The following ZNF407 variants were observed in gnomAD, a reference collection of about 807,000 sequenced individuals.
The protein encoded by ZNF407 is zinc finger protein 407.
A neutral mutation model predicts 131.2 loss-of-function variants in ZNF407; 17 were observed. That is an observed-to-expected ratio of 0.13 (90% CI 0.09 to 0.19). The LOEUF is 0.19. Ranked by LOEUF, ZNF407 falls within the 10% of genes least tolerant of loss-of-function variation. The pLI is 1.00. For missense variants in ZNF407, 2,681 were observed against 2,830.6 expected (o/e 0.95, Z 1.20); for synonymous variants, 1,156 against 1,062.0 (o/e 1.09, Z -1.72).
chr18:74,965,912 C>G (rs1021071022), intron 8 of ZNF407, among the ~76,000 whole-genome samples: 33 of 152,128 alleles, frequency 2.2e-4, no homozygotes, highest in African/African-American at 7.2e-4. Flanking sequence ...GATTGATGAT[C>G]GATGATGTTG....
intron 8 of ZNF407, among the ~76,000 whole-genome samples, chr18:74,975,481 A>C (rs1385824433): frequency 2.6e-5 from 4 of 152,026 alleles, no homozygotes; most frequent in Admixed American, 1.3e-4. Flanking sequence ...AAGTTGTTTG[A>C]TCGAAATTCT....
At chr18:75,051,879 G>C (rs7237561) in intron 8 of ZNF407, among the ~76,000 whole-genome samples, 20,417 of 152,184 alleles carry the variant, frequency 0.13, 1,414 homozygotes, top group South Asian at 0.21. Flanking sequence ...CAGAACTCAG[G>C]CACTCTCATA....
chr18:74,838,394 C>T (rs1024092801), intron 4 of ZNF407, among the ~76,000 whole-genome samples: 1 of 152,174 alleles, frequency 6.6e-6, no homozygotes, highest in African/African-American at 2.4e-5. Flanking sequence ...TCCGCTGATA[C>T]TTGATGTCGG....
chr18:74,818,914 ATGACTCT>A (rs1970303726), intron 4 of ZNF407, among the ~76,000 whole-genome samples: 2 of 150,656 alleles, frequency 1.3e-5, no homozygotes, highest in Admixed American at 1.3e-4. Context: ...GCATTTTACC[ATGACTCT>A]TGATAAATCA....
At chr18:74,781,294 T>C in intron 3 of ZNF407, 134 bp from the exon 4 acceptor site, 4 of 594,018 alleles carry the variant, frequency 6.7e-6, no homozygotes, top group Non-Finnish European at 1.2e-5. Context: ...CAAGCTTTGG[T>C]GTAGCAAGAG....
rs193294265 is a variant in ZNF407, at chr18:74,780,254, T to C, written c.4803-1174T>C. On this transcript the variant is annotated intron_variant, in intron 3 of 8. Transcript: ENST00000299687. ...AAACCTGAGATTCTGTAATATTATA[T>C]GAAATTAAACAAAATAAATTAGACA... 9.8e-5 allele frequency among the ~76,000 whole-genome samples: 15 copies of C among 152,314 alleles called. No homozygotes were observed. The East Asian group carries it at 2.9e-3, about 29-fold the overall frequency.
intron 3 of ZNF407, among the ~76,000 whole-genome samples, chr18:74,669,160 A>G (rs1389178719): frequency 6.6e-6 from 1 of 152,112 alleles, no homozygotes; most frequent in Non-Finnish European, 1.5e-5. Context: ...AGGAAGGCAG[A>G]TCTCACCTCT....
At chr18:74,678,322 G>T (rs1448901349) in intron 3 of ZNF407, among the ~76,000 whole-genome samples, 2 of 152,144 alleles carry the variant, frequency 1.3e-5, no homozygotes, top group Non-Finnish European at 2.9e-5. Flanking sequence ...ATTTACTTCT[G>T]CATTACCCTT....
intron 8 of ZNF407, among the ~76,000 whole-genome samples, chr18:74,943,208 G>A (rs925453726): frequency 3.9e-5 from 6 of 152,082 alleles, no homozygotes; most frequent in Non-Finnish European, 8.8e-5. Flanking sequence ...GAGCCACCAT[G>A]CCCAGCCAAA....
chr18:74,850,678 A>G (rs1970769903), intron 4 of ZNF407, among the ~76,000 whole-genome samples: 1 of 152,204 alleles, frequency 6.6e-6, no homozygotes, highest in African/African-American at 2.4e-5. Flanking sequence ...TTCTGCTCAA[A>G]TACTATTCTA....
chr18:74,602,023 A>G (rs1032856024), intron 1 of ZNF407, among the ~76,000 whole-genome samples: 6 of 152,192 alleles, frequency 3.9e-5, no homozygotes, highest in African/African-American at 1.2e-4. Context: ...ACATCTGTAT[A>G]TATTTTTTGT....
In ZNF407 at chr18:74,703,192, G is replaced by C. The variant is rs1568174043; in HGVS notation, c.4802+62070G>C. Reference sequence around the variant, plus strand: ...CTACAAGTGACTGCTGCTTGTAGCAGCCTTCTTCATTTCTCACAAGAACCT... The same window carrying C: ...CTACAAGTGACTGCTGCTTGTAGCACCCTTCTTCATTTCTCACAAGAACCT... On this transcript the variant is annotated intron_variant, in intron 3 of 8. Coordinates refer to ENST00000299687, the MANE Select transcript of ZNF407 (RefSeq NM_017757.3). The surrounding 1 kb of genome is among the most constrained non-coding windows in gnomAD (Gnocchi z 4.1). Among the ~76,000 whole-genome samples, 1 of 152,210 alleles carries C rather than the reference G, an allele frequency of 6.6e-6. No individual in the cohort carries two copies.
chr18:75,037,556 G>C, intron 8 of ZNF407, among the ~76,000 whole-genome samples: 1 of 152,066 alleles, frequency 6.6e-6, no homozygotes, highest in East Asian at 1.9e-4. Flanking sequence ...GATATCTGCA[G>C]CAACACTGAA....
chr18:74,806,387 C>T (rs1001210446), intron 4 of ZNF407, among the ~76,000 whole-genome samples: 4 of 152,226 alleles, frequency 2.6e-5, no homozygotes, highest in Non-Finnish European at 4.4e-5. Context: ...ATTCACCAAT[C>T]TCTGCTTTAG....
intron 4 of ZNF407, among the ~76,000 whole-genome samples, chr18:74,818,865 T>TAAAAAAAAAAA (rs11392274): frequency 3.6e-5 from 5 of 139,432 alleles, no homozygotes; most frequent in South Asian, 4.8e-4. Flanking sequence ...CATTGAACAG[T>TAAAAAAAAAAA]AAAAAAAAAA....
At chr18:74,996,487 G>A (rs1972781724) in intron 8 of ZNF407, among the ~76,000 whole-genome samples, 1 of 152,226 alleles carries the variant, frequency 6.6e-6, no homozygotes, top group African/African-American at 2.4e-5. Flanking sequence ...ATGAAGTCAG[G>A]AGGTGAACGG....
intron 7 of ZNF407, among the ~76,000 whole-genome samples, chr18:74,911,626 G>A (rs996342148): frequency 2.4e-4 from 37 of 151,990 alleles, no homozygotes; most frequent in Middle Eastern, 3.2e-3. Flanking sequence ...ATTGGCCACC[G>A]CACTCAATTC....
chr18:74,618,002 C>G (rs1258961077), intron 1 of ZNF407, among the ~76,000 whole-genome samples: 1 of 152,140 alleles, frequency 6.6e-6, no homozygotes, highest in African/African-American at 2.4e-5. Flanking sequence ...CTCCTCTCTC[C>G]CCACTCCTCT....
chr18:74,677,755 T>C (rs1320403724), intron 3 of ZNF407, among the ~76,000 whole-genome samples: 1 of 152,192 alleles, frequency 6.6e-6, no homozygotes, highest in Non-Finnish European at 1.5e-5. Context: ...TTGAAGCCCC[T>C]TTGGGTCCAT....
Sources: allele counts gnomAD v4.1 joint callset (sites outside exome capture counted in the v4.1 genomes callset), GRCh38; gene constraint gnomAD v4.1.1; non-coding constraint Gnocchi (gnomAD v3.1); transcripts MANE v1.5; gene names NCBI Gene and HGNC (gene_info 2026-07-23, HGNC 2026-07-21).